The following ADAMTS16 variants were observed in gnomAD, a reference collection of about 807,000 sequenced individuals.
ADAMTS16 encodes A disintegrin and metalloproteinase with thrombospondin motifs 16.
Under a neutral mutation model 145.8 loss-of-function variants are expected in ADAMTS16, and 94 were observed. That is an observed-to-expected ratio of 0.64 (90% CI 0.55 to 0.77). ADAMTS16 has a LOEUF of 0.77. Ranked by LOEUF, ADAMTS16 falls within the 30% of genes least tolerant of loss-of-function variation. The probability of loss-of-function intolerance (pLI) is 0.00; values close to 1 mark genes in which losing one functional copy is unlikely to be tolerated. For missense variants in ADAMTS16, 1,585 were observed against 1,591.5 expected, an observed-to-expected ratio of 1.00 and a Z score of 0.07; for synonymous variants, 659 against 604.3, an observed-to-expected ratio of 1.09 and a Z score of -1.33.
At chr5:5,214,175 T>A (rs1269417503) in intron 10 of ADAMTS16, among the ~76,000 whole-genome samples, 1 of 152,204 alleles carries the variant, frequency 6.6e-6, no homozygotes, top group Non-Finnish European at 1.5e-5. Flanking sequence ...CCTGAAACAA[T>A]TGGTCCATAT....
intron 10 of ADAMTS16, among the ~76,000 whole-genome samples, chr5:5,218,413 G>T (rs1179981425): frequency 6.6e-6 from 1 of 152,156 alleles, no homozygotes; most frequent in Non-Finnish European, 1.5e-5. Context: ...AGACAGGCAG[G>T]TACAGAGACT....
chr5:5,199,715 G>T (rs1420142428), intron 8 of ADAMTS16, among the ~76,000 whole-genome samples: 1 of 152,198 alleles, frequency 6.6e-6, no homozygotes, highest in African/African-American at 2.4e-5. Flanking sequence ...TCTTTTCTGA[G>T]TCAACAATTC....
Position 5,306,583 on chromosome 5 carries a change from A to AGCTG in ADAMTS16, c.3269_3272dup (p.Ser1092GlyfsTer131). The AGCTG allele has an allele frequency of 6.2e-7, 1 of 1,614,230 alleles. No homozygotes were observed. Among genetic ancestry groups the AGCTG allele is most frequent in the Non-Finnish European group, 8.5e-7 (1 of 1,180,042 alleles). On this transcript the variant is annotated frameshift_variant, in exon 21 of 23. Coordinates refer to ENST00000274181, the MANE Select transcript of ADAMTS16 (RefSeq NM_139056.4). LOFTEE classifies it high-confidence loss of function. ...AAGTATGTTTCTGGAAAGTATCGAGAGCTGGCCTCAAAGAAGTGCTCACAT... is the reference window on the plus strand; with the variant it reads ...AAGTATGTTTCTGGAAAGTATCGAGAGCTGGCTGGCCTCAAAGAAGTGCTCACAT...
Position 5,182,048 on chromosome 5 carries a change from G to A in ADAMTS16, c.506G>A (p.Gly169Asp). The change falls in exon 4 of 23, where the codon GGC becomes GAC. Residue 169 changes from glycine to aspartate, a missense_variant. Around this residue, in one of 3 missense-constraint regions of ADAMTS16, gnomAD observed 453 missense variants for 412.1 expected, o/e 1.10. Coordinates refer to ENST00000274181, the MANE Select transcript of ADAMTS16 (RefSeq NM_139056.4). ...CTTTCCTTTTATTTTTTCCAGTCAGGCATGATACGAACAGAAGAGGCAGAT... is the reference window on the plus strand; with the variant it reads ...CTTTCCTTTTATTTTTTCCAGTCAGACATGATACGAACAGAAGAGGCAGAT... ...VALSTCQGLSGMIRTEEADYF... is the reference protein window; with the variant it reads ...VALSTCQGLSDMIRTEEADYF... 1 of 1,600,490 alleles carries A rather than the reference G, an allele frequency of 6.2e-7. No homozygotes were observed. Among genetic ancestry groups the A allele is most frequent in the Non-Finnish European group, 8.5e-7 (1 of 1,172,850 alleles).
In ADAMTS16 at chr5:5,303,723, A is replaced by G. The variant is rs1739896779; in HGVS notation, c.3143A>G (p.His1048Arg). ...MHEACLLQRC[H>R]KPKKLQWLVS... ...GAAGCCTGTCTGCTTCAGCGCTGCC[A>G]CAAGCCCAAGAAGCTGCAGTGGCTG... is the stretch of plus-strand genomic sequence containing the variant. The change falls in exon 20 of 23, where the codon CAC becomes CGC. Residue 1048 changes from histidine (H) to arginine (R), a missense_variant. His to Arg is a conservative substitution (Grantham distance 29). Coordinates refer to ENST00000274181, the MANE Select transcript of ADAMTS16 (RefSeq NM_139056.4). 6.2e-7 allele frequency: 1 copy of G among 1,613,392 alleles called. No individual in the cohort carries two copies.
chr5:5,163,230 T>A (rs1734787848), intron 3 of ADAMTS16, among the ~76,000 whole-genome samples: 1 of 152,226 alleles, frequency 6.6e-6, no homozygotes, highest in African/African-American at 2.4e-5. Context: ...TGCTATACAG[T>A]GATTTTAGAA....
At chr5:5,214,354 G>A (rs899303145) in intron 10 of ADAMTS16, among the ~76,000 whole-genome samples, 17 of 152,110 alleles carry the variant, frequency 1.1e-4, no homozygotes, top group African/African-American at 4.1e-4. Context: ...CATTCCTTAT[G>A]ATATATAAAA....
chr5:5,146,688 T>G (rs1249422987), intron 3 of ADAMTS16, among the ~76,000 whole-genome samples: 1 of 152,210 alleles, frequency 6.6e-6, no homozygotes, highest in African/African-American at 2.4e-5. Flanking sequence ...AGAATTATTG[T>G]GGACGAGCAC....
At chr5:5,262,871 T>C in intron 18 of ADAMTS16, 88 bp downstream of exon 18, 1 of 1,551,864 alleles carries the variant, frequency 6.4e-7, no homozygotes, top group Non-Finnish European at 8.7e-7. Context: ...GAGAGAGAAG[T>C]GCTGATTGCC....
intron 20 of ADAMTS16, among the ~76,000 whole-genome samples, chr5:5,305,458 C>G: frequency 1.0e-5 from 1 of 99,766 alleles, no homozygotes. Context: ...ATCCACACCA[C>G]ACACACACAC....
rs371323168 is a variant in ADAMTS16, at chr5:5,239,776, C to G, written c.2374C>G (p.Leu792Val). The G allele has an allele frequency of 6.2e-7, 1 of 1,614,020 alleles. No homozygotes were observed. Among genetic ancestry groups the G allele is most frequent in the Non-Finnish European group, 8.5e-7 (1 of 1,180,046 alleles). Reference sequence around the variant, plus strand: ...CTCCTACATTTCTGTGCGCAATGCCCTCAGAAGGTACTACCTGAATGGGCA... The same window carrying G: ...CTCCTACATTTCTGTGCGCAATGCCGTCAGAAGGTACTACCTGAATGGGCA... ...STSYISVRNALRRYYLNGHWT... is the reference protein window; with the variant it reads ...STSYISVRNAVRRYYLNGHWT... The change falls in exon 16 of 23, where the codon CTC (leucine) becomes GTC (valine). Residue 792 changes from leucine to valine, a missense_variant. By Grantham distance (32) the Leu-to-Val change is conservative. Transcript: ENST00000274181.
intron 17 of ADAMTS16, among the ~76,000 whole-genome samples, chr5:5,257,762 C>G (rs1278132781): frequency 6.6e-6 from 1 of 152,192 alleles, no homozygotes; most frequent in African/African-American, 2.4e-5. Context: ...CTGATACTGA[C>G]TACCTGGAAT....
At chr5:5,143,781 A>G (rs1734225943) in intron 2 of ADAMTS16, among the ~76,000 whole-genome samples, 1 of 152,202 alleles carries the variant, frequency 6.6e-6, no homozygotes, top group Non-Finnish European at 1.5e-5. Context: ...CATATACACC[A>G]TGGAATTCTA....
rs1740397386 is a variant in ADAMTS16 at position 5,310,826 on chromosome 5, C to A, written c.3411+4098C>A. Among the ~76,000 whole-genome samples the A allele has an allele frequency of 6.6e-6, 1 of 152,148 alleles. No individual in the cohort carries two copies. The highest frequency in any genetic ancestry group is 2.4e-5 in the African/African-American group (1 of 41,436). On this transcript the variant is annotated intron_variant, in intron 21 of 22. Transcript: ENST00000274181. This position sits in a 1 kb window ranked among gnomAD's most constrained non-coding sequence, Gnocchi z 4.3. ...AGTTTGTAGCAATTATTACAGCAGC[C>A]CCAGGGAACTCACATGGGTGTTATT...
At chr5:5,242,379 C>G (rs548969266) in intron 17 of ADAMTS16, among the ~76,000 whole-genome samples, 188 bp downstream of exon 17, 5 of 152,198 alleles carry the variant, frequency 3.3e-5, no homozygotes, top group Admixed American at 1.3e-4. Flanking sequence ...CTTCTCCAGT[C>G]TATCTGCTTC....
Position 5,262,742 on chromosome 5 carries a change from C to T in ADAMTS16, c.2748C>T (p.Val916=), listed in dbSNP as rs762164586. The change falls in exon 18 of 23, where the codon GTC becomes GTT. Residue 916 remains valine, a synonymous_variant. Transcript: ENST00000274181. The stretch of plus-strand genomic sequence containing the variant: ...TCTGCAATCCCAAGACACGACCTGT[C>T]ACGGGGCTGGTGCCTTGCAAAGTAT... The part of the protein sequence containing the change: ...MSFCNPKTRP[V]TGLVPCKVSA... 5.0e-6 allele frequency: 8 copies of T among 1,614,102 alleles called. No homozygotes were observed. Among genetic ancestry groups the T allele is most frequent in the Non-Finnish European group, 8.5e-7 (1 of 1,180,050 alleles).
At chr5:5,309,326 T>C (rs542299986) in intron 21 of ADAMTS16, among the ~76,000 whole-genome samples, 54 of 152,308 alleles carry the variant, frequency 3.5e-4, no homozygotes, top group African/African-American at 1.3e-3. Context: ...TGGAATTTTG[T>C]GAAATTTTTT....
chr5:5,158,862 G>A (rs1734669456), intron 3 of ADAMTS16, among the ~76,000 whole-genome samples: 1 of 152,150 alleles, frequency 6.6e-6, no homozygotes, highest in Admixed American at 6.6e-5. Context: ...TCTTAGGCAT[G>A]TCTTATTTAA....
At chr5:5,237,208 C>A in intron 14 of ADAMTS16, 109 bp downstream of exon 14, 2 of 1,213,466 alleles carry the variant, frequency 1.6e-6, no homozygotes, top group South Asian at 3.1e-5. Context: ...GCCTTTCCCT[C>A]TAAGTTGCAG....
Sources: allele counts gnomAD v4.1 joint callset (sites outside exome capture counted in the v4.1 genomes callset), GRCh38; gene constraint gnomAD v4.1.1; regional missense constraint gnomAD v4.1.1; non-coding constraint Gnocchi (gnomAD v3.1); transcripts MANE v1.5; gene names NCBI Gene and HGNC (gene_info 2026-07-23, HGNC 2026-07-21).